Variants in ABCA2 observed in about 807,000 individuals in gnomAD.
ABCA2 encodes ATP binding cassette subfamily A member 2, also known as ATP-binding cassette sub-family A member 2.
ABCA2 carries 84 observed loss-of-function variants against 262.8 expected under a neutral mutation model. That is an observed-to-expected ratio of 0.32 (90% CI 0.27 to 0.38). The LOEUF is 0.38. Among genes scored for constraint, ABCA2 ranks in the 10% least tolerant of loss-of-function variants. The probability of loss-of-function intolerance (pLI) is 1.00; values close to 1 mark genes in which losing one functional copy is unlikely to be tolerated. For synonymous variants in ABCA2, 1,696 were observed against 1,502.9 expected (o/e 1.13, Z -2.97); for missense variants, 2,662 against 3,405.9 (o/e 0.78, Z 5.44).
Position 137,011,698 on chromosome 9 carries a change from C to G in ABCA2, c.5587G>C (p.Asp1863His). Residue 1863 changes from aspartate to histidine, a missense_variant, in exon 36 of 49, where the codon GAC (aspartate) becomes CAC (histidine). This residue lies in a region of ABCA2 where 602 missense variants were observed against 897.4 expected (regional missense o/e 0.67). Transcript: ENST00000341511. The surrounding 1 kb of genome is among the most constrained non-coding windows in gnomAD (Gnocchi z 8.8). Reference sequence around the variant, plus strand: ...GTGGGCGACGTGTAGGCCGGCAGGTCGAACACAAACAGGATGATGACACAG... The same window carrying G: ...GTGGGCGACGTGTAGGCCGGCAGGTGGAACACAAACAGGATGATGACACAG... ...TCCVIILFVF[D>H]LPAYTSPTNF... The G allele has an allele frequency of 6.4e-7, 1 of 1,553,866 alleles. No individual in the cohort carries two copies. Among genetic ancestry groups the G allele is most frequent in the Non-Finnish European group, 8.7e-7 (1 of 1,149,420 alleles).
chr9:137,021,899 G>C lies in ABCA2; in HGVS notation c.670C>G (p.Arg224Gly). The C allele has an allele frequency of 6.3e-7, 1 of 1,596,346 alleles. No homozygotes were observed. The highest frequency in any genetic ancestry group is 8.5e-7 in the Non-Finnish European group (1 of 1,172,422). Residue 224 changes from arginine (R) to glycine (G), a missense_variant, in exon 7 of 49, where the codon CGG (arginine) becomes GGG (glycine). By Grantham distance (125) the Arg-to-Gly change is moderately radical (BLOSUM62 -2). Around this residue, in one of 12 missense-constraint regions of ABCA2, gnomAD observed 403 missense variants for 375.9 expected, o/e 1.07. Transcript: ENST00000341511. This position sits in a 1 kb window ranked among gnomAD's most constrained non-coding sequence, Gnocchi z 6.0. Reference sequence around the variant, plus strand: ...CACATGGATGCCCTCACCTCCATCCGGAACAGGGGATTGCCCCCTAGGCGG... The same window carrying C: ...CACATGGATGCCCTCACCTCCATCCCGAACAGGGGATTGCCCCCTAGGCGG... ...WSRLGGNPLFRMEELLLAPAL... is the reference protein window; with the variant it reads ...WSRLGGNPLFGMEELLLAPAL...
At chr9:137,008,900 G>GCCCCCCCCCCCCCCCAGCGC (rs59031144) in intron 46 of ABCA2, 32 bp from the exon 47 acceptor site, 5 of 1,556,350 alleles carry the variant, frequency 3.2e-6, no homozygotes, top group African/African-American at 1.4e-5. Flanking sequence ...GCCTGGCAGC[G>GCCCCCCCCCCCCCCCAGCGC]CCCCCCCACC....
intron 1 of ABCA2, 99 bp from the exon 2 acceptor site, chr9:137,024,335 T>G: frequency 9.4e-7 from 1 of 1,060,988 alleles, no homozygotes; most frequent in Non-Finnish European, 1.3e-6. Context: ...CAGGACCACG[T>G]GCTCCCTGGG....
chr9:137,012,631 A>G (rs745471498), intron 31 of ABCA2, 41 bp from the exon 32 acceptor site: 16 of 1,610,132 alleles, frequency 9.9e-6, no homozygotes, highest in Middle Eastern at 1.7e-4. Flanking sequence ...CTAGGCAGGC[A>G]GTGAGGCTAG....
At chr9:137,028,695 T>C (rs548287279), upstream of ABCA2, 4 of 1,224,834 alleles carry the variant, frequency 3.3e-6, no homozygotes, top group Middle Eastern at 2.5e-4. The surrounding 1 kb of genome is among the most constrained non-coding windows in gnomAD (Gnocchi z 6.9). Flanking sequence ...AAACCAGCAC[T>C]TGGAGTCCAG....
chr9:137,022,561 C>A, intron 5 of ABCA2, 83 bp from the exon 6 acceptor site: 1 of 1,569,308 alleles, frequency 6.4e-7, no homozygotes. Context: ...GAGCCCAACA[C>A]CACAGCTCTG....
intron 29 of ABCA2, 52 bp from the exon 30 acceptor site, chr9:137,013,370 G>A: frequency 6.5e-7 from 1 of 1,528,282 alleles, no homozygotes; most frequent in Non-Finnish European, 8.8e-7. Flanking sequence ...CCCCTCGCCA[G>A]CCCCGCCCCC....
At chr9:137,015,392 C>T (rs1402637867) in intron 24 of ABCA2, 22 bp downstream of exon 24, 6 of 1,541,024 alleles carry the variant, frequency 3.9e-6, no homozygotes, top group South Asian at 1.2e-5. Context: ...CCGAAGCCAG[C>T]TCAGGCAGCT....
rs1404109766 is a variant in ABCA2, at chr9:137,009,359, C to T, written c.6827+11G>A. The T allele has an allele frequency of 3.8e-6, 6 of 1,565,378 alleles. No individual in the cohort carries two copies. Among genetic ancestry groups the T allele is most frequent in the East Asian group, 2.3e-5 (1 of 43,882 alleles). On this transcript the variant is annotated intron_variant, in intron 45 of 48. Coordinates refer to ENST00000341511, the MANE Select transcript of ABCA2 (RefSeq NM_001606.5). The stretch of plus-strand genomic sequence containing the variant: ...CCGCCCCAGCCCACCCCTGGCCCTG[C>T]CCCGGCTCACCGGTTCTTCAGGTGC...
rs574871095 is a variant in ABCA2 at position 137,021,311 on chromosome 9, T to C, written c.897+81A>G. 1.4e-5 allele frequency: 22 copies of C among 1,531,426 alleles called. No homozygotes were observed. The South Asian group carries it at 2.3e-4, about 16-fold the overall frequency. 94.9% of individuals were successfully genotyped at this position (1,531,426 alleles called of 1,614,324 possible). ...ACGCACAGCCTGGGCCCAGGAGCCC[T>C]GAGCTCTCCAAGCGGTCCCAGCCCC... On this transcript the variant is annotated intron_variant, in intron 8 of 48. Coordinates refer to ENST00000341511, the MANE Select transcript of ABCA2 (RefSeq NM_001606.5). This position sits in a 1 kb window ranked among gnomAD's most constrained non-coding sequence, Gnocchi z 6.0.
rs1207315607 is a variant in ABCA2 at position 137,008,772 on chromosome 9, C to G, written c.7027G>C (p.Gly2343Arg). 1.3e-6 allele frequency: 2 copies of G among 1,596,272 alleles called. No homozygotes were observed. Among genetic ancestry groups the G allele is most frequent in the Admixed American group, 3.4e-5 (2 of 58,114 alleles). ...TGGCTGACCGAGTAGTCCTCGATGC[C>G]CAGCACGCCAGACACCTGCTCCATC... ...SKMEQVSGVL[G>R]IEDYSVSQTT... is the part of the protein sequence containing the mutation. The change falls in exon 47 of 49, where the codon GGC (glycine) becomes CGC (arginine). Residue 2343 changes from glycine (G) to arginine (R), a missense_variant. Coordinates refer to ENST00000341511, the MANE Select transcript of ABCA2 (RefSeq NM_001606.5).
In ABCA2 at chr9:137,014,175, G is replaced by A; in HGVS notation, c.4233C>T (p.Ser1411=). The part of the protein sequence containing the change: ...FDNPQDPDNV[S]LQEVEAEALS... Reference sequence around the variant, plus strand: ...TCACCCTGCCACCCCCACCTTGCAGGCTGACATTGTCTGGGTCCTGTGGGT... The same window carrying A: ...TCACCCTGCCACCCCCACCTTGCAGACTGACATTGTCTGGGTCCTGTGGGT... Residue 1411 remains serine (S), a synonymous_variant, in exon 27 of 49, where the codon AGC becomes AGT. Transcript: ENST00000341511. 1 of 1,607,234 alleles carries A rather than the reference G, an allele frequency of 6.2e-7. No homozygotes were observed. Among genetic ancestry groups the A allele is most frequent in the South Asian group, 1.1e-5 (1 of 90,162 alleles).
chr9:137,008,655 C>G (rs768378420), intron 47 of ABCA2, 33 bp from the exon 48 acceptor site: 2 of 1,110,284 alleles, frequency 1.8e-6, no homozygotes, highest in African/African-American at 1.9e-5. Flanking sequence ...GGGGAGGGGG[C>G]TGGTCTGGGG....
chr9:137,024,579 T>C (rs1229266394), intron 1 of ABCA2, among the ~76,000 whole-genome samples: 2 of 152,192 alleles, frequency 1.3e-5, no homozygotes, highest in Non-Finnish European at 2.9e-5. Context: ...CCTCCAGGGC[T>C]ACCTGGGCAA....
At position 137,022,315 on chromosome 9, in the gene ABCA2, G is replaced by A. The variant is rs547904974; in HGVS notation, c.567+36C>T. The A allele has an allele frequency of 3.5e-5, 54 of 1,561,494 alleles. No individual in the cohort carries two copies. In the South Asian group the frequency reaches 5.9e-4, roughly 17 times the overall value. On this transcript the variant is annotated intron_variant, in intron 6 of 48. Coordinates refer to ENST00000341511, the MANE Select transcript of ABCA2 (RefSeq NM_001606.5). ...ACCAGGGGGCGTGGCTGGGGCAGAA[G>A]GGAGTGGCCAGGGCTGGGAGCTGTC... is the stretch of plus-strand genomic sequence containing the variant.
Position 137,013,209 on chromosome 9 carries a change from C to T in ABCA2, c.4660G>A (p.Gly1554Arg). The T allele has an allele frequency of 6.2e-7, 1 of 1,601,340 alleles. No homozygotes were observed. Among genetic ancestry groups the T allele is most frequent in the Non-Finnish European group, 8.5e-7 (1 of 1,176,552 alleles). The change falls in exon 30 of 49, where the codon GGG (glycine) becomes AGG (arginine). Residue 1554 changes from glycine to arginine, a missense_variant. By Grantham distance (125) the Gly-to-Arg change is moderately radical (BLOSUM62 -2). Transcript: ENST00000341511. ...CCGCTGCTCAGGTTCAACGTGGGCCCCAGCGAGCCGTTGGCGGGAGACTTG... is the reference window on the plus strand; with the variant it reads ...CCGCTGCTCAGGTTCAACGTGGGCCTCAGCGAGCCGTTGGCGGGAGACTTG... ...VLKSPANGSL[G>R]PTLNLSSGES...
At chr9:137,023,123 G>A in intron 3 of ABCA2, 71 bp from the exon 4 acceptor site, 1 of 1,175,130 alleles carries the variant, frequency 8.5e-7, no homozygotes, top group South Asian at 1.3e-5. Context: ...TCCAGAAGGG[G>A]AGGGAGACAG....
At position 137,016,903 on chromosome 9, in the gene ABCA2, C is replaced by T. The variant is rs369940191; in HGVS notation, c.2758+17G>A. On this transcript the variant is annotated intron_variant, in intron 19 of 48. Coordinates refer to ENST00000341511, the MANE Select transcript of ABCA2 (RefSeq NM_001606.5). The stretch of plus-strand genomic sequence containing the variant: ...GGACCCCTGCCTCTCCCCTGCCCTC[C>T]AAGGGCTGGCCAGTACCTGGGTGCA... 6.2e-7 allele frequency: 1 copy of T among 1,609,858 alleles called. No homozygotes were observed. The highest frequency in any genetic ancestry group is 8.5e-7 in the Non-Finnish European group (1 of 1,178,124).
chr9:137,023,342 C>T, intron 3 of ABCA2: 1 of 682,980 alleles, frequency 1.5e-6, no homozygotes. Context: ...GGCCCACATG[C>T]CCTGGCACTC....
Sources: allele counts gnomAD v4.1 joint callset (sites outside exome capture counted in the v4.1 genomes callset), GRCh38; gene constraint gnomAD v4.1.1; regional missense constraint gnomAD v4.1.1; non-coding constraint Gnocchi (gnomAD v3.1); transcripts MANE v1.5; gene names NCBI Gene and HGNC (gene_info 2026-07-23, HGNC 2026-07-21).